Variants in KAT14 observed in about 807,000 individuals in gnomAD.
KAT14 encodes the protein lysine acetyltransferase 14.
Under a neutral mutation model 78.4 loss-of-function variants are expected in KAT14, and 66 were observed. That is an observed-to-expected ratio of 0.84 (90% CI 0.69 to 1.03). The LOEUF is 1.03. Ranked by LOEUF, KAT14 falls within the 50% of genes least tolerant of loss-of-function variation. The pLI, the probability that KAT14 is intolerant of heterozygous loss-of-function variation, is 0.00. For synonymous variants in KAT14, 344 were observed against 359.4 expected, an observed-to-expected ratio of 0.96 and a Z score of 0.48; for missense variants, 870 against 972.5, an observed-to-expected ratio of 0.89 and a Z score of 1.40.
chr20:18,138,078 G>T, intron 1 of KAT14, 27 bp downstream of exon 1: 5 of 1,445,446 alleles, frequency 3.5e-6, no homozygotes, highest in Non-Finnish European at 4.5e-6. Flanking sequence ...CGTCTCTTCC[G>T]GGCCCGCGCG....
intron 7 of KAT14, among the ~76,000 whole-genome samples, chr20:18,166,372 G>A (rs2091347484): frequency 6.6e-6 from 1 of 152,132 alleles, no homozygotes; most frequent in Admixed American, 6.5e-5. Flanking sequence ...GCTTACAAAA[G>A]GTTTAAGGAA....
chr20:18,141,348 T>G (rs1416114979), intron 1 of KAT14, among the ~76,000 whole-genome samples: 2 of 152,290 alleles, frequency 1.3e-5, no homozygotes, highest in East Asian at 3.9e-4. Flanking sequence ...CATTTATTTT[T>G]TCCGCTGGTA....
At chr20:18,155,680 C>T (rs1484752860) in intron 4 of KAT14, among the ~76,000 whole-genome samples, 1 of 152,194 alleles carries the variant, frequency 6.6e-6, no homozygotes, top group Non-Finnish European at 1.5e-5. Context: ...CAAATCAAAT[C>T]TATAACACGA....
chr20:18,159,850 G>C (rs1183815399), intron 5 of KAT14, among the ~76,000 whole-genome samples: 1 of 152,096 alleles, frequency 6.6e-6, no homozygotes, highest in Non-Finnish European at 1.5e-5. Flanking sequence ...ATCACATATT[G>C]ATCTGGTTTT....
chr20:18,165,209 T>C (rs892039958), intron 7 of KAT14, among the ~76,000 whole-genome samples: 2 of 134,214 alleles, frequency 1.5e-5, no homozygotes, highest in Non-Finnish European at 3.5e-5. Context: ...CTAAATGATA[T>C]ACTTTTCGTT....
chr20:18,165,441 C>T (rs575451402), intron 7 of KAT14, among the ~76,000 whole-genome samples: 1 of 152,228 alleles, frequency 6.6e-6, no homozygotes, highest in East Asian at 1.9e-4. Flanking sequence ...CCAAGACCAC[C>T]AAGGATTGCC....
chr20:18,171,391 TGC>T (rs2038839469), intron 7 of KAT14, among the ~76,000 whole-genome samples: 2 of 152,274 alleles, frequency 1.3e-5, no homozygotes, highest in Admixed American at 1.3e-4. Context: ...CTGCTAAAGA[TGC>T]TATGAACATT....
intron 3 of KAT14, among the ~76,000 whole-genome samples, chr20:18,149,583 G>C (rs575091875): frequency 6.6e-6 from 1 of 151,856 alleles, no homozygotes; most frequent in East Asian, 1.9e-4. Flanking sequence ...TGCTCTTTCC[G>C]TAAGACTGCT....
At position 18,162,843 on chromosome 20, in the gene KAT14, CG is replaced by C. The variant is rs2038497248; in HGVS notation, c.1569del (p.Ile524PhefsTer54). 1 of 1,614,136 alleles carries C rather than the reference CG, an allele frequency of 6.2e-7. No individual in the cohort carries two copies. Among genetic ancestry groups the C allele is most frequent in the Non-Finnish European group, 8.5e-7 (1 of 1,180,008 alleles). On this transcript the variant is annotated frameshift_variant, in exon 7 of 11. Transcript: ENST00000688188. LOFTEE classifies it high-confidence loss of function. ...VVNAALLLVD[G>X]IYGAKEGGIS... ...TTAATGCTGCTCTTTTGTTAGTTGA[CG>C]GGATTTATGGAGCCAAAGAAGGAGG...
At chr20:18,171,831 G>A (rs549426669) in intron 7 of KAT14, among the ~76,000 whole-genome samples, 180 of 152,156 alleles carry the variant, frequency 1.2e-3, no homozygotes, top group African/African-American at 3.9e-3. Context: ...AATATCTTTT[G>A]TGAAAGGAAG....
Position 18,187,520 on chromosome 20 carries a change from T to C in KAT14, c.*61T>C. On this transcript the variant is annotated 3_prime_UTR_variant, in exon 11 of 11. Coordinates refer to ENST00000688188, the MANE Select transcript of KAT14 (RefSeq NM_001392073.1). ...TGGAGAACAGGTCTTTGTGGAGATC[T>C]AAAGGCAGTGATTGATTTCACAGGG... 1.3e-6 allele frequency: 2 copies of C among 1,599,082 alleles called. No individual in the cohort carries two copies. Among genetic ancestry groups the C allele is most frequent in the Non-Finnish European group, 1.7e-6 (2 of 1,175,640 alleles).
rs780157869 is a variant in KAT14, at chr20:18,187,645, C to T, written c.*186C>T. 1.5e-5 allele frequency: 13 copies of T among 872,918 alleles called. No individual in the cohort carries two copies. The highest frequency in any genetic ancestry group is 3.5e-5 in the Admixed American group (1 of 28,382). 54.1% of individuals were successfully genotyped at this position (872,918 alleles called of 1,614,324 possible). A position where few individuals can be genotyped will look rare whatever the true frequency, so the allele number is the denominator to read the frequency against. ...GCAGTGAGCAGCCCTTTAGCAAAAT[C>T]GCCCTCCAGTCCTTCCTGGAGATGC... On this transcript the variant is annotated 3_prime_UTR_variant, in exon 11 of 11. Coordinates refer to ENST00000688188, the MANE Select transcript of KAT14 (RefSeq NM_001392073.1).
chr20:18,171,633 G>A (rs1218216797), intron 7 of KAT14, among the ~76,000 whole-genome samples: 1 of 152,118 alleles, frequency 6.6e-6, no homozygotes, highest in African/African-American at 2.4e-5. Context: ...CCAACATAGT[G>A]AAACCCTGTC....
intron 2 of KAT14, chr20:18,144,998 C>T: frequency 9.8e-7 from 1 of 1,018,886 alleles, no homozygotes; most frequent in Non-Finnish European, 1.3e-6. Flanking sequence ...CCTGCTTTTC[C>T]AGTACCTTTC....
chr20:18,144,815 AG>A (rs2037761347), intron 2 of KAT14, among the ~76,000 whole-genome samples: 1 of 152,210 alleles, frequency 6.6e-6, no homozygotes, highest in Admixed American at 6.5e-5. Flanking sequence ...TGCAGCCCTC[AG>A]GGAAGTGCAA....
rs772427555 is a variant in KAT14, at chr20:18,142,685, AGTC to A, written c.26_28del (p.Ser9_Leu10delinsMet). ...GATGGATAGTAGCATCCACCTGAGT[AGTC>A]TGATCAGTCGGCATGATGACGAAGC... On this transcript the variant is annotated inframe_deletion, in exon 2 of 11. Coordinates refer to ENST00000688188, the MANE Select transcript of KAT14 (RefSeq NM_001392073.1). The A allele has an allele frequency of 1.1e-5, 17 of 1,614,098 alleles. No individual in the cohort carries two copies. In the South Asian group the frequency reaches 1.1e-4, roughly 10 times the overall value.
At chr20:18,180,413 A>G (rs373781946) in intron 7 of KAT14, among the ~76,000 whole-genome samples, 72 of 152,322 alleles carry the variant, frequency 4.7e-4, no homozygotes, top group African/African-American at 1.7e-3. Context: ...AAGCCATTCA[A>G]CAAATCTCTA....
intron 1 of KAT14, chr20:18,138,461 T>G: frequency 1.0e-6 from 1 of 991,718 alleles, no homozygotes; most frequent in Non-Finnish European, 1.2e-6. Flanking sequence ...AAGGAGTTTC[T>G]TGGGGTGCAT....
rs1278377241 is a variant in KAT14 at position 18,142,375 on chromosome 20, T to C, written c.-286T>C. On this transcript the variant is annotated 5_prime_UTR_variant, in exon 2 of 11. Transcript: ENST00000688188. ...AATCATGACTTGAATGTGAAATATC[T>C]GTTGGACAGACAACACGAGTTTGTG... is the stretch of plus-strand genomic sequence containing the variant. 21 of 1,533,104 alleles carry C rather than the reference T, an allele frequency of 1.4e-5. No homozygotes were observed. In the Admixed American group the frequency reaches 3.9e-4, roughly 29 times the overall value. 95.0% of individuals were successfully genotyped at this position (1,533,104 alleles called of 1,614,324 possible).
Sources: gnomAD v4.1 joint callset for allele counts (sites outside exome capture counted in the v4.1 genomes callset) on GRCh38, gnomAD v4.1.1 for gene constraint, MANE v1.5 for transcripts, NCBI Gene and HGNC (gene_info 2026-07-23, HGNC 2026-07-21) for gene names.